Variants in CSMD1 observed in about 807,000 individuals in gnomAD.
CSMD1 encodes the protein CUB and Sushi multiple domains 1, also known as CUB and sushi domain-containing protein 1.
A neutral mutation model predicts 417.5 loss-of-function variants in CSMD1; 213 were observed. The ratio of observed to expected loss-of-function variants is 0.51; its 90% CI spans 0.46 to 0.57. CSMD1 has a LOEUF of 0.57. Among genes scored for constraint, CSMD1 ranks in the 20% least tolerant of loss-of-function variants. The probability of loss-of-function intolerance (pLI) is 0.00; values close to 1 mark genes in which losing one functional copy is unlikely to be tolerated. For synonymous variants in CSMD1, 2,862 were observed against 1,736.8 expected (o/e 1.65, Z -16.11); for missense variants, 6,923 against 4,529.7 (o/e 1.53, Z -15.17).
intron 3 of CSMD1, among the ~76,000 whole-genome samples, chr8:4,402,118 A>G (rs1279430595): frequency 1.3e-5 from 2 of 151,938 alleles, no homozygotes; most frequent in Non-Finnish European, 2.9e-5. Context: ...CTTGTCTTCC[A>G]TTCTCTTTCA....
chr8:3,475,389 C>T (rs949909173), intron 11 of CSMD1, among the ~76,000 whole-genome samples: 2 of 152,136 alleles, frequency 1.3e-5, no homozygotes, highest in African/African-American at 4.8e-5. Flanking sequence ...AATTAACCTA[C>T]ACTGTATTCA....
At chr8:3,987,141 C>T (rs1239279178) in intron 5 of CSMD1, among the ~76,000 whole-genome samples, 3 of 152,202 alleles carry the variant, frequency 2.0e-5, no homozygotes, top group African/African-American at 7.2e-5. Context: ...CACACAGCGT[C>T]TATCCGAGTT....
At chr8:4,199,536 T>C (rs1188513231) in intron 3 of CSMD1, among the ~76,000 whole-genome samples, 1 of 152,182 alleles carries the variant, frequency 6.6e-6, no homozygotes, top group Non-Finnish European at 1.5e-5. Flanking sequence ...CGATCATCAG[T>C]ATTGAATCCT....
intron 10 of CSMD1, among the ~76,000 whole-genome samples, chr8:3,538,461 C>G (rs1049914369): frequency 6.6e-6 from 1 of 152,020 alleles, no homozygotes; most frequent in African/African-American, 2.4e-5. Flanking sequence ...CCTGAGATGC[C>G]TCACCTAAGA....
At chr8:3,648,793 T>C (rs937048501) in intron 7 of CSMD1, among the ~76,000 whole-genome samples, 6 of 151,678 alleles carry the variant, frequency 4.0e-5, no homozygotes, top group African/African-American at 1.4e-4. Context: ...AAACCTATCT[T>C]TACGCGGCAC....
chr8:4,176,979 T>C (rs1024690985), intron 3 of CSMD1, among the ~76,000 whole-genome samples: 18 of 151,700 alleles, frequency 1.2e-4, no homozygotes, highest in African/African-American at 4.4e-4. Flanking sequence ...ACAATAAAAA[T>C]GGGAGACTTT....
intron 1 of CSMD1, among the ~76,000 whole-genome samples, chr8:4,948,458 T>A (rs1010310649): frequency 3.9e-5 from 6 of 152,064 alleles, no homozygotes; most frequent in African/African-American, 9.6e-5. Context: ...TTCTTTCTTA[T>A]CCAGTAATCT....
At chr8:4,122,313 C>A (rs10089099) in intron 3 of CSMD1, among the ~76,000 whole-genome samples, 1 of 152,154 alleles carries the variant, frequency 6.6e-6, no homozygotes, top group African/African-American at 2.4e-5. Flanking sequence ...GCTTTGATGA[C>A]CAAATATTAA....
intron 25 of CSMD1, among the ~76,000 whole-genome samples, chr8:3,305,330 G>A (rs888490971): frequency 6.6e-6 from 1 of 152,136 alleles, no homozygotes; most frequent in African/African-American, 2.4e-5. Context: ...TTTAAAATGA[G>A]TTATTATAAA....
intron 26 of CSMD1, among the ~76,000 whole-genome samples, chr8:3,244,678 CT>C (rs1196800185): frequency 1.3e-5 from 2 of 152,208 alleles, no homozygotes; most frequent in Admixed American, 6.5e-5. Flanking sequence ...GGCTGACAAT[CT>C]GAGCCCTTTA....
chr8:4,178,929 G>C (rs921144218), intron 3 of CSMD1, among the ~76,000 whole-genome samples: 13 of 152,148 alleles, frequency 8.5e-5, no homozygotes, highest in African/African-American at 2.2e-4. Context: ...AATAAGAGAA[G>C]ATACAAACAA....
At chr8:4,133,968 T>A (rs1418336331) in intron 3 of CSMD1, among the ~76,000 whole-genome samples, 1 of 152,188 alleles carries the variant, frequency 6.6e-6, no homozygotes, top group East Asian at 1.9e-4. Context: ...ACAAACATTT[T>A]TAAACTTCGG....
intron 3 of CSMD1, among the ~76,000 whole-genome samples, chr8:4,384,711 C>A (rs1803331463): frequency 6.6e-6 from 1 of 152,150 alleles, no homozygotes; most frequent in Non-Finnish European, 1.5e-5. Flanking sequence ...AGGGCCAAGG[C>A]ACGTGCACAC....
chr8:4,320,189 A>C (rs922833626), intron 3 of CSMD1, among the ~76,000 whole-genome samples: 1 of 152,180 alleles, frequency 6.6e-6, no homozygotes, highest in African/African-American at 2.4e-5. Context: ...AGCACTTAAC[A>C]AGGTAAAATG....
At chr8:3,345,798 T>A (rs1465655213) in intron 22 of CSMD1, among the ~76,000 whole-genome samples, 1 of 152,212 alleles carries the variant, frequency 6.6e-6, no homozygotes, top group African/African-American at 2.4e-5. Context: ...AATGCTAGCA[T>A]GACAACATTG....
At chr8:4,522,926 G>A (rs756270875) in intron 2 of CSMD1, among the ~76,000 whole-genome samples, 1 of 152,170 alleles carries the variant, frequency 6.6e-6, no homozygotes, top group Admixed American at 6.5e-5. Context: ...GGACATTGCT[G>A]TTATCCTTGC....
intron 3 of CSMD1, among the ~76,000 whole-genome samples, chr8:4,061,637 G>C (rs1024980383): frequency 6.6e-6 from 1 of 152,182 alleles, no homozygotes; most frequent in African/African-American, 2.4e-5. Flanking sequence ...TTCTGCAAGG[G>C]AGGATGGACT....
intron 3 of CSMD1, among the ~76,000 whole-genome samples, chr8:4,280,944 T>G (rs1796748861): frequency 6.6e-6 from 1 of 152,252 alleles, no homozygotes; most frequent in Admixed American, 6.5e-5. Flanking sequence ...TATCCACGTT[T>G]TTTCCAAACA....
intron 1 of CSMD1, among the ~76,000 whole-genome samples, chr8:4,986,544 T>C (rs1018854776): frequency 7.2e-5 from 11 of 152,196 alleles, no homozygotes; most frequent in South Asian, 2.1e-4. Flanking sequence ...TAATCTAACA[T>C]TTAGCCCTTT....
Sources: allele counts gnomAD v4.1 joint callset (sites outside exome capture counted in the v4.1 genomes callset), GRCh38; gene constraint gnomAD v4.1.1; transcripts MANE v1.5; gene names NCBI Gene and HGNC (gene_info 2026-07-23, HGNC 2026-07-21).